SCMH1: variants seen among roughly 807,000 people sequenced by gnomAD.
SCMH1 encodes the protein polycomb protein SCMH1.
In SCMH1, 37 loss-of-function variants were observed where a neutral mutation model predicts 70.8. That is an observed-to-expected ratio of 0.52 (90% CI 0.40 to 0.69). The LOEUF (loss-of-function observed/expected upper bound fraction) is 0.69. Ranked by LOEUF, SCMH1 falls within the 30% of genes least tolerant of loss-of-function variation. The probability of loss-of-function intolerance (pLI) is 0.00; values close to 1 mark genes in which losing one functional copy is unlikely to be tolerated. For synonymous variants in SCMH1, 292 were observed against 307.4 expected (o/e 0.95, Z 0.52); for missense variants, 607 against 827.3 (o/e 0.73, Z 3.27).
chr1:41,176,302 A>C (rs1041302998), intron 2 of SCMH1, among the ~76,000 whole-genome samples: 2 of 152,188 alleles, frequency 1.3e-5, no homozygotes, highest in African/African-American at 4.8e-5. Context: ...GAACAGCTCC[A>C]GTCTACAGCT....
At position 41,087,000 on chromosome 1, in the gene SCMH1, A is replaced by G. The variant is rs116080129; in HGVS notation, c.746-11549T>C. Among the ~76,000 whole-genome samples the G allele has an allele frequency of 7.7e-3, 1,173 of 152,284 alleles. 19 individuals are homozygous for G. The highest frequency in any genetic ancestry group is 0.027 in the African/African-American group (1,129 of 41,564). ...AGCCTTAGCAGACATTAAAATACAA[A>G]GCTTCTATTATGAAAACTGTGGTAC... On this transcript the variant is annotated intron_variant, in intron 8 of 14. Coordinates refer to ENST00000337495, the Ensembl canonical transcript of SCMH1.
intron 1 of SCMH1, among the ~76,000 whole-genome samples, chr1:41,193,532 G>C (rs74069100): frequency 0.014 from 2,102 of 152,152 alleles, 45 homozygotes; most frequent in African/African-American, 0.047. Flanking sequence ...GTTGGGGGGG[G>C]GTTGAGGAAA....
intron 11 of SCMH1, among the ~76,000 whole-genome samples, chr1:41,046,941 G>A (rs1646951255): frequency 6.6e-6 from 1 of 152,190 alleles, no homozygotes; most frequent in Admixed American, 6.5e-5. Context: ...CATTTAGGGT[G>A]CTATTTTCAC....
Position 41,028,570 on chromosome 1 carries a change from G to A in SCMH1, c.1821+14C>T, listed in dbSNP as rs564056155. The A allele has an allele frequency of 1.2e-6, 2 of 1,614,020 alleles. No homozygotes were observed. Among genetic ancestry groups the A allele is most frequent in the South Asian group, 2.2e-5 (2 of 91,070 alleles). On this transcript the variant is annotated intron_variant, in intron 14 of 14. Coordinates refer to ENST00000337495, the Ensembl canonical transcript of SCMH1. ...ACACAGGTTCCTACTGAGAGGTCAG[G>A]CAGCAGCACCTACGTGTTTGCGAAA...
At chr1:41,136,089 G>A (rs1024583710) in intron 6 of SCMH1, among the ~76,000 whole-genome samples, 15 of 151,906 alleles carry the variant, frequency 9.9e-5, no homozygotes, top group Non-Finnish European at 1.6e-4. Flanking sequence ...GACTATGGGC[G>A]TGAGCCACCA....
At chr1:41,070,980 A>C (rs1656274752) in intron 9 of SCMH1, among the ~76,000 whole-genome samples, 1 of 152,194 alleles carries the variant, frequency 6.6e-6, no homozygotes, top group Admixed American at 6.5e-5. Context: ...TACTAGATTC[A>C]ATATTATCAT....
intron 1 of SCMH1, among the ~76,000 whole-genome samples, chr1:41,214,563 A>G (rs1392747303): frequency 6.6e-6 from 1 of 152,150 alleles, no homozygotes; most frequent in Non-Finnish European, 1.5e-5. Flanking sequence ...CATTTACCTA[A>G]GGAAAGAATG....
At chr1:41,042,791 C>A (rs993390559) in intron 12 of SCMH1, among the ~76,000 whole-genome samples, 5 of 152,208 alleles carry the variant, frequency 3.3e-5, no homozygotes, top group Admixed American at 2.6e-4. Context: ...TGTCTCACCT[C>A]TGTCTCCCTA....
intron 5 of SCMH1, among the ~76,000 whole-genome samples, chr1:41,148,493 G>A (rs1253045632): frequency 6.6e-6 from 1 of 152,010 alleles, no homozygotes; most frequent in Non-Finnish European, 1.5e-5. Flanking sequence ...TCACCTTTGT[G>A]TTTGAAAGAC....
chr1:41,228,500 G>A (rs1040289334), intron 1 of SCMH1, among the ~76,000 whole-genome samples: 15 of 151,990 alleles, frequency 9.9e-5, no homozygotes, highest in Non-Finnish European at 1.5e-5. Flanking sequence ...ACAATGTAAG[G>A]AGCCAAGCAC....
chr1:41,037,864 G>A (rs1367509261), intron 12 of SCMH1, among the ~76,000 whole-genome samples: 1 of 152,226 alleles, frequency 6.6e-6, no homozygotes, highest in Non-Finnish European at 1.5e-5. Flanking sequence ...GGAAGATACT[G>A]CCTTAGACAC....
intron 6 of SCMH1, among the ~76,000 whole-genome samples, chr1:41,142,072 A>C (rs1438480627): frequency 1.3e-5 from 2 of 152,198 alleles, no homozygotes; most frequent in Non-Finnish European, 2.9e-5. Context: ...AGGTTACATG[A>C]GCATTCACTA....
intron 6 of SCMH1, among the ~76,000 whole-genome samples, chr1:41,117,310 T>C (rs953551448): frequency 1.3e-5 from 2 of 152,042 alleles, no homozygotes; most frequent in East Asian, 1.9e-4. Context: ...TGAGGGGACA[T>C]AGTGAGAAGT....
intron 2 of SCMH1, among the ~76,000 whole-genome samples, chr1:41,178,447 T>C (rs1357139039): frequency 6.6e-6 from 1 of 151,956 alleles, no homozygotes; most frequent in East Asian, 1.9e-4. Context: ...GACTGGCAAA[T>C]TGGATAGTCA....
At chr1:41,135,823 T>C (rs1313638883) in intron 6 of SCMH1, among the ~76,000 whole-genome samples, 5 of 152,258 alleles carry the variant, frequency 3.3e-5, no homozygotes, top group Non-Finnish European at 7.3e-5. Flanking sequence ...CTGGGTATTG[T>C]TGAACTACAA....
chr1:41,049,119 G>C (rs1647175772), intron 10 of SCMH1, among the ~76,000 whole-genome samples: 1 of 152,230 alleles, frequency 6.6e-6, no homozygotes, highest in African/African-American at 2.4e-5. Context: ...AAGACTGGAA[G>C]AGTGGCCCAG....
At chr1:41,194,997 G>A (rs1260618416) in intron 1 of SCMH1, among the ~76,000 whole-genome samples, 3 of 151,836 alleles carry the variant, frequency 2.0e-5, no homozygotes, top group African/African-American at 4.8e-5. Context: ...TGCGCTTGGT[G>A]GCACATGCCT....
At chr1:41,160,833 C>T (rs199988346) in intron 4 of SCMH1, 42 bp downstream of exon 4, 33 of 1,531,970 alleles carry the variant, frequency 2.2e-5, no homozygotes, top group Non-Finnish European at 2.9e-5. Context: ...CCTGGTTTAC[C>T]AATTCCCCTT....
At chr1:41,073,346 T>G (rs1395040807) in intron 9 of SCMH1, among the ~76,000 whole-genome samples, 2 of 152,174 alleles carry the variant, frequency 1.3e-5, no homozygotes, top group East Asian at 3.9e-4. Context: ...GTCCCCCAGA[T>G]AAGTTTTCTC....
Sources: allele counts gnomAD v4.1 joint callset (sites outside exome capture counted in the v4.1 genomes callset), GRCh38; gene constraint gnomAD v4.1.1; transcripts MANE v1.5; gene names NCBI Gene and HGNC (gene_info 2026-07-23, HGNC 2026-07-21).